Variants in ASTN2 observed in about 807,000 individuals in gnomAD.
ASTN2 encodes the protein astrotactin 2.
A neutral mutation model predicts 139.8 loss-of-function variants in ASTN2; 54 were observed. The observed-to-expected ratio is 0.39, with a 90% CI of 0.31 to 0.48. ASTN2 has a LOEUF of 0.48. Ranked by LOEUF, ASTN2 falls within the 20% of genes least tolerant of loss-of-function variation. ASTN2 has a pLI of 0.95. For synonymous variants in ASTN2, 756 were observed against 719.5 expected, an observed-to-expected ratio of 1.05 and a Z score of -0.81; for missense variants, 1,565 against 1,725.1, an observed-to-expected ratio of 0.91 and a Z score of 1.64.
chr9:117,308,256 A>G (rs552490264), intron 1 of ASTN2, among the ~76,000 whole-genome samples: 3 of 144,016 alleles, frequency 2.1e-5, no homozygotes, highest in Admixed American at 1.4e-4. Context: ...AATCAAACAA[A>G]CAAAAAGGAG....
At chr9:116,438,001 G>A (rs905404477) in intron 22 of ASTN2, among the ~76,000 whole-genome samples, 12 of 152,162 alleles carry the variant, frequency 7.9e-5, no homozygotes, top group African/African-American at 2.9e-4. Context: ...GTCAAACTCT[G>A]CACAACTCTG....
intron 17 of ASTN2, among the ~76,000 whole-genome samples, chr9:116,639,949 T>C (rs925789660): frequency 1.3e-5 from 2 of 152,236 alleles, no homozygotes; most frequent in Admixed American, 1.3e-4. Flanking sequence ...TAAGTGTATT[T>C]ATTGAATTTC....
chr9:116,834,196 T>C (rs116226905), intron 11 of ASTN2, among the ~76,000 whole-genome samples: 3,915 of 152,342 alleles, frequency 0.026, 191 homozygotes, highest in African/African-American at 0.09. Flanking sequence ...GCTGAGGCTT[T>C]TTTTATGGTC....
chr9:117,395,299 A>C (rs1830648962), intron 1 of ASTN2, among the ~76,000 whole-genome samples: 1 of 152,188 alleles, frequency 6.6e-6, no homozygotes, highest in Non-Finnish European at 1.5e-5. Flanking sequence ...ATTGGATAGA[A>C]GAAAGGAAAC....
At chr9:117,166,741 T>C (rs1205974380) in intron 3 of ASTN2, among the ~76,000 whole-genome samples, 1 of 152,128 alleles carries the variant, frequency 6.6e-6, no homozygotes, top group African/African-American at 2.4e-5. Flanking sequence ...TGGCAGCATC[T>C]AATTATTCCC....
At chr9:116,616,896 C>T (rs1855885513) in intron 19 of ASTN2, among the ~76,000 whole-genome samples, 1 of 152,170 alleles carries the variant, frequency 6.6e-6, no homozygotes, top group African/African-American at 2.4e-5. Flanking sequence ...ACAGACACTT[C>T]AGTTTGCCTA....
chr9:117,040,009 G>A, intron 5 of ASTN2, 44 bp from the exon 6 acceptor site: 1 of 1,538,068 alleles, frequency 6.5e-7, no homozygotes, highest in East Asian at 2.4e-5. Flanking sequence ...TCCATGAGGT[G>A]AGGAAATGGG....
At chr9:117,127,706 A>T (rs1829727134) in intron 4 of ASTN2, among the ~76,000 whole-genome samples, 1 of 101,998 alleles carries the variant, frequency 9.8e-6, no homozygotes. Flanking sequence ...TTTGAGACAG[A>T]GTCTCACTCT....
intron 1 of ASTN2, among the ~76,000 whole-genome samples, chr9:117,389,022 T>A (rs1830477660): frequency 6.6e-6 from 1 of 152,214 alleles, no homozygotes; most frequent in South Asian, 2.1e-4. Context: ...ATCCTTACTG[T>A]GCTACTCCAA....
intron 19 of ASTN2, among the ~76,000 whole-genome samples, chr9:116,607,832 G>A (rs545727496): frequency 7.4e-4 from 113 of 152,118 alleles, no homozygotes; most frequent in Admixed American, 1.6e-3. Flanking sequence ...ATGGTGGCAC[G>A]CACCTGTAGT....
intron 3 of ASTN2, among the ~76,000 whole-genome samples, chr9:117,193,692 C>T (rs1193471236): frequency 6.7e-6 from 1 of 149,738 alleles, no homozygotes; most frequent in African/African-American, 2.4e-5. Flanking sequence ...AATTTTTCTT[C>T]TTTTCATCCT....
chr9:116,858,654 T>C (rs756075627), intron 11 of ASTN2, among the ~76,000 whole-genome samples: 1 of 152,220 alleles, frequency 6.6e-6, no homozygotes, highest in Non-Finnish European at 1.5e-5. Flanking sequence ...ATTTCTAATA[T>C]ACAACAATTT....
At chr9:116,783,935 T>C (rs1428457957) in intron 13 of ASTN2, among the ~76,000 whole-genome samples, 1 of 152,208 alleles carries the variant, frequency 6.6e-6, no homozygotes, top group African/African-American at 2.4e-5. Context: ...CTTGGAAATT[T>C]ATAATAATGA....
intron 3 of ASTN2, chr9:117,197,369 C>A (rs1449868471): frequency 1.3e-5 from 2 of 152,144 alleles, no homozygotes; most frequent in South Asian, 2.1e-4. Context: ...TAATGGTCAA[C>A]AATAGAGGGT....
intron 7 of ASTN2, among the ~76,000 whole-genome samples, chr9:116,979,514 G>A (rs957677985): frequency 6.6e-6 from 1 of 152,138 alleles, no homozygotes; most frequent in African/African-American, 2.4e-5. Flanking sequence ...ATTTACCAAA[G>A]CGAGGAGGGG....
At chr9:117,175,026 A>G (rs1439217425) in intron 3 of ASTN2, among the ~76,000 whole-genome samples, 3 of 152,100 alleles carry the variant, frequency 2.0e-5, no homozygotes, top group Non-Finnish European at 4.4e-5. Context: ...GATTCGCAAG[A>G]CTATTAATGG....
At chr9:116,620,760 T>C (rs918394768) in intron 17 of ASTN2, among the ~76,000 whole-genome samples, 5 of 152,216 alleles carry the variant, frequency 3.3e-5, no homozygotes, top group African/African-American at 4.8e-5. Flanking sequence ...GATATTATTA[T>C]TATAATTTCC....
At chr9:117,232,181 G>A (rs1331415226) in intron 2 of ASTN2, among the ~76,000 whole-genome samples, 1 of 152,172 alleles carries the variant, frequency 6.6e-6, no homozygotes, top group African/African-American at 2.4e-5. Context: ...CGTTTAATGG[G>A]CATCATGAGG....
chr9:116,932,641 A>G (rs1458697173), intron 10 of ASTN2, among the ~76,000 whole-genome samples: 1 of 152,082 alleles, frequency 6.6e-6, no homozygotes, highest in Non-Finnish European at 1.5e-5. Context: ...ACAGAAAGCT[A>G]CAGGAACCTG....
Sources: allele counts gnomAD v4.1 joint callset (sites outside exome capture counted in the v4.1 genomes callset), GRCh38; gene constraint gnomAD v4.1.1; transcripts MANE v1.5; gene names NCBI Gene and HGNC (gene_info 2026-07-23, HGNC 2026-07-21).